Variants in CACNA1E observed in about 807,000 individuals in gnomAD.
CACNA1E encodes voltage-dependent R-type calcium channel subunit alpha-1E.
CACNA1E carries 40 observed loss-of-function variants against 259.2 expected under a neutral mutation model. That is an observed-to-expected ratio of 0.15 (90% CI 0.12 to 0.20). The LOEUF (loss-of-function observed/expected upper bound fraction) is 0.20. Ranked by LOEUF, CACNA1E falls within the 10% of genes least tolerant of loss-of-function variation. CACNA1E has a pLI of 1.00. For synonymous variants in CACNA1E, 1,104 were observed against 1,138.5 expected, an observed-to-expected ratio of 0.97 and a Z score of 0.61; for missense variants, 1,874 against 3,040.1, an observed-to-expected ratio of 0.62 and a Z score of 9.02.
chr1:181,757,803 C>T (rs903076641), intron 30 of CACNA1E, 144 bp from the exon 31 acceptor site: 2 of 804,228 alleles, frequency 2.5e-6, no homozygotes, highest in Admixed American at 2.4e-5. Context: ...TAGTTTTGTC[C>T]AAGTGACCCC....
chr1:181,567,857 A>G (rs961485672), intron 3 of CACNA1E, among the ~76,000 whole-genome samples: 5 of 152,110 alleles, frequency 3.3e-5, no homozygotes, highest in Admixed American at 3.3e-4. Context: ...TTAAGTAAGG[A>G]AGAATTGAAG....
At chr1:181,417,557 T>C (rs1053043754) in intron 2 of CACNA1E, among the ~76,000 whole-genome samples, 1 of 152,220 alleles carries the variant, frequency 6.6e-6, no homozygotes, top group African/African-American at 2.4e-5. Flanking sequence ...ACCATAGCTA[T>C]AGAAAAAGTC....
intron 25 of CACNA1E, among the ~76,000 whole-genome samples, chr1:181,749,315 C>A (rs927264055): frequency 2.0e-5 from 3 of 152,170 alleles, no homozygotes; most frequent in South Asian, 4.1e-4. Context: ...TGCAGGTTCA[C>A]CTATGTTTCT....
At chr1:181,496,684 G>A (rs757495629) in intron 1 of CACNA1E, among the ~76,000 whole-genome samples, 15 of 152,080 alleles carry the variant, frequency 9.9e-5, no homozygotes, top group Non-Finnish European at 2.1e-4. Context: ...GGATATTAGG[G>A]GCATTTTACC....
intron 7 of CACNA1E, among the ~76,000 whole-genome samples, chr1:181,664,786 C>T (rs548187757): frequency 3.3e-5 from 5 of 151,758 alleles, no homozygotes; most frequent in Non-Finnish European, 7.4e-5. Context: ...CTGGGAGAAG[C>T]CAAGAATCCT....
At chr1:181,783,395 G>T (rs937485784) in intron 39 of CACNA1E, among the ~76,000 whole-genome samples, 1 of 152,066 alleles carries the variant, frequency 6.6e-6, no homozygotes, top group Admixed American at 6.5e-5. Flanking sequence ...GGACTCCAAG[G>T]GGGGGCCTTA....
At chr1:181,354,111 A>G (rs570630412) in intron 1 of CACNA1E, among the ~76,000 whole-genome samples, 6 of 149,044 alleles carry the variant, frequency 4.0e-5, no homozygotes, top group Admixed American at 2.0e-4. Context: ...ATCTATCTCT[A>G]TATCAGACTG....
intron 21 of CACNA1E, among the ~76,000 whole-genome samples, chr1:181,734,070 T>C (rs1655795178): frequency 6.6e-6 from 1 of 152,196 alleles, no homozygotes; most frequent in Non-Finnish European, 1.5e-5. Flanking sequence ...TGGTGTTGTC[T>C]GGGGTCTCCC....
intron 7 of CACNA1E, among the ~76,000 whole-genome samples, chr1:181,686,283 T>TTTTTTTTTTTTG (rs1157541099): frequency 0.051 from 6,247 of 122,590 alleles, 336 homozygotes; most frequent in Non-Finnish European, 0.078. Context: ...AAGTTTTTTT[T>TTTTTTTTTTTTG]TTTTTTTTTT....
chr1:181,361,902 T>C (rs1378819401), intron 1 of CACNA1E, among the ~76,000 whole-genome samples: 1 of 152,212 alleles, frequency 6.6e-6, no homozygotes, highest in African/African-American at 2.4e-5. Context: ...TAATGATTAT[T>C]AGATTTGTTA....
At chr1:181,455,836 C>T (rs1396699852) in intron 2 of CACNA1E, among the ~76,000 whole-genome samples, 3 of 152,132 alleles carry the variant, frequency 2.0e-5, no homozygotes, top group Admixed American at 6.5e-5. Flanking sequence ...TGAATGTGTC[C>T]CTAGCTCTGT....
At chr1:181,710,016 T>C (rs978333427) in intron 7 of CACNA1E, among the ~76,000 whole-genome samples, 1 of 152,214 alleles carries the variant, frequency 6.6e-6, no homozygotes, top group African/African-American at 2.4e-5. Context: ...TTGATCCTCC[T>C]CTTCTCTATC....
At position 181,807,660 on chromosome 1, in the gene CACNA1E, G is replaced by A. The variant is rs1168401646; in HGVS notation, c.*8826G>A. 1 of 151,818 alleles carries A rather than the reference G, an allele frequency of 6.6e-6. No individual in the cohort carries two copies. 9.4% of individuals were successfully genotyped at this position (151,818 alleles called of 1,614,324 possible). A position where few individuals can be genotyped will look rare whatever the true frequency, so the allele number is the denominator to read the frequency against. On this transcript the variant is annotated 3_prime_UTR_variant, in exon 48 of 48. Transcript: ENST00000367573. Reference sequence around the variant, plus strand: ...CAGCATTCCAAAATAAGTCCCCTAAGTTTGTAGTTTGAGCCAAGATATTTT... The same window carrying A: ...CAGCATTCCAAAATAAGTCCCCTAAATTTGTAGTTTGAGCCAAGATATTTT...
intron 7 of CACNA1E, among the ~76,000 whole-genome samples, chr1:181,653,394 C>G (rs930231234): frequency 6.6e-6 from 1 of 152,192 alleles, no homozygotes; most frequent in Non-Finnish European, 1.5e-5. Flanking sequence ...TGTACAAGCT[C>G]TCTTCTCTTG....
chr1:181,793,554 G>C (rs1032126801), intron 44 of CACNA1E, 111 bp from the exon 45 acceptor site: 1 of 1,159,382 alleles, frequency 8.6e-7, no homozygotes. Flanking sequence ...CCTTAAAGCT[G>C]CAAGTCTCTC....
Position 181,733,507 on chromosome 1 carries a change from G to C in CACNA1E, c.3019G>C (p.Val1007Leu). 1.2e-6 allele frequency: 2 copies of C among 1,605,542 alleles called. No homozygotes were observed. The highest frequency in any genetic ancestry group is 2.2e-5 in the South Asian group (2 of 89,356). The change falls in exon 21 of 48, where the codon GTC becomes CTC. Residue 1007 changes from valine (V) to leucine (L), a missense_variant. Coordinates refer to ENST00000367573, the MANE Select transcript of CACNA1E (RefSeq NM_001205293.3). ...CCTTGATGAGGCTGACACCCCCCTAGTCCTGCCCCATCCTGAGCTGGAAGT... is the reference window on the plus strand; with the variant it reads ...CCTTGATGAGGCTGACACCCCCCTACTCCTGCCCCATCCTGAGCTGGAAGT... ...GGLDEADTPL[V>L]LPHPELEVGK...
At chr1:181,560,099 C>T (rs1361542472) in intron 3 of CACNA1E, among the ~76,000 whole-genome samples, 1 of 151,724 alleles carries the variant, frequency 6.6e-6, no homozygotes, top group African/African-American at 2.4e-5. Flanking sequence ...TACTACAGCT[C>T]TTAATTTGAA....
intron 1 of CACNA1E, among the ~76,000 whole-genome samples, chr1:181,390,114 G>A (rs1230312057): frequency 2.0e-5 from 3 of 152,148 alleles, no homozygotes; most frequent in Admixed American, 1.3e-4. Context: ...TCTTCGTGAC[G>A]GTGCCCCTGA....
intron 7 of CACNA1E, among the ~76,000 whole-genome samples, chr1:181,704,407 G>C (rs1158281717): frequency 4.6e-5 from 7 of 152,140 alleles, no homozygotes; most frequent in African/African-American, 2.4e-5. Context: ...CAATTTCTCT[G>C]TTAGTTTCAG....
Sources: gnomAD v4.1 joint callset for allele counts (sites outside exome capture counted in the v4.1 genomes callset) on GRCh38, gnomAD v4.1.1 for gene constraint, MANE v1.5 for transcripts, NCBI Gene and HGNC (gene_info 2026-07-23, HGNC 2026-07-21) for gene names.